PGM5: variants seen among roughly 807,000 people sequenced by gnomAD.
The protein encoded by PGM5 is phosphoglucomutase 5, also known as phosphoglucomutase-like protein 5.
A neutral mutation model predicts 59.2 loss-of-function variants in PGM5; 23 were observed. The observed-to-expected ratio is 0.39, with a 90% CI of 0.28 to 0.55. The LOEUF (loss-of-function observed/expected upper bound fraction) is 0.55. PGM5 is among the 20% of genes least tolerant of loss of function. PGM5 has a pLI of 0.66. For missense variants in PGM5, 574 were observed against 748.3 expected (o/e 0.77, Z 2.72); for synonymous variants, 214 against 286.0 (o/e 0.75, Z 2.54).
At chr9:68,474,785 C>G (rs1175149503) in intron 7 of PGM5, among the ~76,000 whole-genome samples, 1 of 151,012 alleles carries the variant, frequency 6.6e-6, no homozygotes, top group Non-Finnish European at 1.5e-5. Flanking sequence ...CCTGCAATGT[C>G]CTGAGCCAGG....
intron 6 of PGM5, among the ~76,000 whole-genome samples, chr9:68,415,091 G>A (rs1231478078): frequency 6.7e-6 from 1 of 149,350 alleles, no homozygotes; most frequent in Non-Finnish European, 1.5e-5. Flanking sequence ...ATGTCATAAG[G>A]AGCCAATTCT....
At chr9:68,381,051 G>C (rs1822060073) in intron 2 of PGM5, among the ~76,000 whole-genome samples, 1 of 151,838 alleles carries the variant, frequency 6.6e-6, no homozygotes, top group South Asian at 2.1e-4. Flanking sequence ...CCAAAAATTA[G>C]AGCTACAGGG....
chr9:68,430,278 T>C (rs2132055283), intron 6 of PGM5, among the ~76,000 whole-genome samples: 1 of 152,370 alleles, frequency 6.6e-6, no homozygotes, highest in South Asian at 2.1e-4. Context: ...TTTTATTTTA[T>C]TTCTAAATTT....
intron 10 of PGM5, among the ~76,000 whole-genome samples, chr9:68,506,844 G>T (rs917579499): frequency 3.3e-5 from 5 of 152,060 alleles, no homozygotes; most frequent in Non-Finnish European, 4.4e-5. Flanking sequence ...CAAGATTTGG[G>T]GATCATACTA....
At chr9:68,421,219 G>C (rs1158468769) in intron 6 of PGM5, among the ~76,000 whole-genome samples, 4 of 152,194 alleles carry the variant, frequency 2.6e-5, no homozygotes, top group African/African-American at 9.6e-5. Context: ...ATCTCCAGGA[G>C]TTCCACTGCA....
chr9:68,446,161 A>G lies in PGM5; in HGVS notation c.1044-18932A>G, dbSNP rs376255844. Among the ~76,000 whole-genome samples, 46 of 152,366 alleles carry G rather than the reference A, an allele frequency of 3.0e-4. 1 individual carries two copies. The South Asian group carries it at 7.9e-3, about 26-fold the overall frequency. ...CCTGACCAAATGAAAGTGAATTATAACAAGGGTGAAAGTAATTTAAATAAT... is the reference window on the plus strand; with the variant it reads ...CCTGACCAAATGAAAGTGAATTATAGCAAGGGTGAAAGTAATTTAAATAAT... On this transcript the variant is annotated intron_variant, in intron 6 of 10. Transcript: ENST00000396396.
intron 10 of PGM5, among the ~76,000 whole-genome samples, chr9:68,507,148 T>C (rs1425410571): frequency 6.6e-6 from 1 of 152,184 alleles, no homozygotes; most frequent in East Asian, 1.9e-4. Context: ...TGCTGCACTT[T>C]GGAACTATGG....
At chr9:68,368,361 C>G (rs1554676871) in intron 1 of PGM5, among the ~76,000 whole-genome samples, 3 of 150,922 alleles carry the variant, frequency 2.0e-5, no homozygotes, top group Admixed American at 2.0e-4. Context: ...GCAGTGAGCT[C>G]AACAACATTG....
At chr9:68,390,161 A>G (rs1484127727) in intron 4 of PGM5, among the ~76,000 whole-genome samples, 1 of 152,052 alleles carries the variant, frequency 6.6e-6, no homozygotes, top group Non-Finnish European at 1.5e-5. Context: ...GGTCTTCTCC[A>G]TGGGCCTTAC....
At chr9:68,449,035 T>C (rs1823656059) in intron 6 of PGM5, among the ~76,000 whole-genome samples, 2 of 152,188 alleles carry the variant, frequency 1.3e-5, no homozygotes. Flanking sequence ...CCCAGCAGAT[T>C]CAGTGTGTTG....
chr9:68,362,865 C>CTTTTTTTTTTTTTTTT (rs1163826772), intron 1 of PGM5, among the ~76,000 whole-genome samples: 11 of 96,780 alleles, frequency 1.1e-4, no homozygotes, highest in Admixed American at 2.4e-4. Flanking sequence ...TTTTCTTTTT[C>CTTTTTTTTTTTTTTTT]TTTTTTTTTT....
At chr9:68,372,284 T>A (rs1554677226) in intron 1 of PGM5, among the ~76,000 whole-genome samples, 1 of 149,324 alleles carries the variant, frequency 6.7e-6, no homozygotes, top group Non-Finnish European at 1.5e-5. Context: ...TGCTCCCGCC[T>A]CTTCCAGCTT....
intron 10 of PGM5, among the ~76,000 whole-genome samples, chr9:68,525,960 A>G (rs777561726): frequency 6.6e-6 from 1 of 151,936 alleles, no homozygotes; most frequent in Non-Finnish European, 1.5e-5. Context: ...GGAGGCTGAG[A>G]CAGGAGAATG....
At chr9:68,446,596 A>G (rs1452902021) in intron 6 of PGM5, among the ~76,000 whole-genome samples, 1 of 152,204 alleles carries the variant, frequency 6.6e-6, no homozygotes, top group Non-Finnish European at 1.5e-5. Flanking sequence ...TAATGGGGAA[A>G]CGAAGGCTAG....
In PGM5 at chr9:68,414,949, CATT is replaced by C. The variant is rs1476025829; in HGVS notation, c.1043+22479_1043+22481del. Among the ~76,000 whole-genome samples, 3 of 147,848 alleles carry C rather than the reference CATT, an allele frequency of 2.0e-5. No homozygotes were observed. In the East Asian group the frequency reaches 6.6e-4, roughly 32 times the overall value. ...ACATGAAGAGACTGACAGTCATGAT[CATT>C]ATGAAGCATTAGTTGAAGGGTCACT... On this transcript the variant is annotated intron_variant, in intron 6 of 10. Transcript: ENST00000396396.
chr9:68,469,640 C>T (rs1554686099), intron 7 of PGM5, among the ~76,000 whole-genome samples: 1 of 152,186 alleles, frequency 6.6e-6, no homozygotes, highest in Admixed American at 6.5e-5. Flanking sequence ...TTGCTGGATG[C>T]TTCCATGCAT....
intron 3 of PGM5, among the ~76,000 whole-genome samples, chr9:68,386,482 T>C (rs1236767756): frequency 6.6e-6 from 1 of 152,236 alleles, no homozygotes; most frequent in African/African-American, 2.4e-5. Context: ...TAATATTATA[T>C]GGCATATTAA....
At chr9:68,399,994 A>G (rs1411178876) in intron 6 of PGM5, among the ~76,000 whole-genome samples, 1 of 152,156 alleles carries the variant, frequency 6.6e-6, no homozygotes, top group East Asian at 1.9e-4. Flanking sequence ...GGATCCCTTA[A>G]ATGTTTTTAA....
intron 9 of PGM5, among the ~76,000 whole-genome samples, chr9:68,493,223 A>G (rs1554687993): frequency 6.6e-6 from 1 of 152,210 alleles, no homozygotes; most frequent in East Asian, 1.9e-4. Flanking sequence ...CTCTGTGTGT[A>G]TTTAGCAACT....
Sources: allele counts gnomAD v4.1 joint callset (sites outside exome capture counted in the v4.1 genomes callset), GRCh38; gene constraint gnomAD v4.1.1; transcripts MANE v1.5; gene names NCBI Gene and HGNC (gene_info 2026-07-23, HGNC 2026-07-21).